Variants in ESYT2 observed in about 807,000 individuals in gnomAD.
The protein encoded by ESYT2 is extended synaptotagmin 2, also known as extended synaptotagmin-2.
A neutral mutation model predicts 107.2 loss-of-function variants in ESYT2; 54 were observed. The ratio of observed to expected loss-of-function variants is 0.50; its 90% CI spans 0.40 to 0.63. ESYT2 has a LOEUF of 0.63. Ranked by LOEUF, ESYT2 falls within the 30% of genes least tolerant of loss-of-function variation. The probability of loss-of-function intolerance (pLI) is 0.00; values close to 1 mark genes in which losing one functional copy is unlikely to be tolerated. For missense variants in ESYT2, 1,020 were observed against 1,094.5 expected, an observed-to-expected ratio of 0.93 and a Z score of 0.96; for synonymous variants, 491 against 434.1, an observed-to-expected ratio of 1.13 and a Z score of -1.63.
intron 6 of ESYT2, 30 bp downstream of exon 6, chr7:158,787,974 A>G: frequency 6.3e-7 from 1 of 1,584,810 alleles, no homozygotes; most frequent in Non-Finnish European, 8.7e-7. Flanking sequence ...ACCAAATGGG[A>G]AAATAAAAAT....
chr7:158,796,106 C>T (rs1008007316), intron 3 of ESYT2, among the ~76,000 whole-genome samples: 5 of 152,212 alleles, frequency 3.3e-5, no homozygotes, highest in Admixed American at 6.5e-5. Context: ...TATCACAACC[C>T]TGAACCGCAC....
chr7:158,803,382 C>T (rs1014820187), intron 1 of ESYT2, among the ~76,000 whole-genome samples: 1 of 152,190 alleles, frequency 6.6e-6, no homozygotes, highest in Admixed American at 6.5e-5. Flanking sequence ...GAACATGAGA[C>T]GCCTCTTCTT....
intron 21 of ESYT2, among the ~76,000 whole-genome samples, chr7:158,734,725 C>G (rs929962410): frequency 6.6e-6 from 1 of 152,246 alleles, no homozygotes; most frequent in Non-Finnish European, 1.5e-5. Context: ...GCATTTGAAG[C>G]TGCAGTGAGC....
intron 6 of ESYT2, among the ~76,000 whole-genome samples, chr7:158,783,886 A>G (rs1308522098): frequency 6.6e-6 from 1 of 152,146 alleles, no homozygotes; most frequent in East Asian, 1.9e-4. Flanking sequence ...CCCACCTTCC[A>G]CCTTAAGGGA....
chr7:158,801,605 C>T (rs1839648862), intron 1 of ESYT2, among the ~76,000 whole-genome samples: 1 of 151,024 alleles, frequency 6.6e-6, no homozygotes, highest in African/African-American at 2.4e-5. Flanking sequence ...CACACAGGAA[C>T]ACAGGAACAC....
rs1019756201 is a variant in ESYT2, at chr7:158,733,576, C to A, written c.*631G>T. The A allele has an allele frequency of 1.3e-5, 2 of 152,196 alleles. No homozygotes were observed. The highest frequency in any genetic ancestry group is 3.8e-4 in the East Asian group (2 of 5,198). The allele number at this position is 152,196 out of a possible 1,614,324, so 9.4% of individuals were successfully genotyped here. On this transcript the variant is annotated 3_prime_UTR_variant, in exon 23 of 23. Transcript: ENST00000275418. ...TTTTCCTTATAAGCCCTTCAACTTACTTCTCAATAATACATCCTTATATTT... is the reference window on the plus strand; with the variant it reads ...TTTTCCTTATAAGCCCTTCAACTTAATTCTCAATAATACATCCTTATATTT...
chr7:158,794,335 A>G (rs2129473447), intron 3 of ESYT2, among the ~76,000 whole-genome samples: 1 of 152,334 alleles, frequency 6.6e-6, no homozygotes, highest in East Asian at 1.9e-4. Context: ...CTCTACAAAA[A>G]GTAAAAAAAA....
intron 7 of ESYT2, 104 bp downstream of exon 7, chr7:158,773,237 C>G (rs911989961): frequency 1.6e-6 from 2 of 1,262,452 alleles, no homozygotes; most frequent in African/African-American, 3.0e-5. Flanking sequence ...ACCCATTCAC[C>G]TGGCAGACGC....
chr7:158,758,864 T>C (rs1299856093), intron 13 of ESYT2, among the ~76,000 whole-genome samples: 2 of 152,246 alleles, frequency 1.3e-5, no homozygotes, highest in Non-Finnish European at 2.9e-5. Flanking sequence ...TTATTACCTA[T>C]AAAACAACAT....
At chr7:158,804,404 TTGAGAAAAGTGAGGCAC>T (rs1839752682) in intron 1 of ESYT2, among the ~76,000 whole-genome samples, 4 of 88,218 alleles carry the variant, frequency 4.5e-5, no homozygotes, top group African/African-American at 1.8e-4. Context: ...ACCCAAACTG[TTGAGAAAAGTGAGGCAC>T]GTGACAAACC....
At chr7:158,749,267 C>T (rs1297083955) in intron 15 of ESYT2, among the ~76,000 whole-genome samples, 10 of 151,952 alleles carry the variant, frequency 6.6e-5, no homozygotes, top group Non-Finnish European at 1.2e-4. Flanking sequence ...GCACCGCACC[C>T]GGCACCATGC....
rs780226041 is a variant in ESYT2, at chr7:158,739,020, C to T, written c.2267+3G>A. ...AGCGGGCGCGTGGGACCCCAGCCCC[C>T]ACCTGCAGGCATGCACGACCACGAT... On this transcript the variant is annotated splice_donor_region_variant and intron_variant, in intron 19 of 22. Coordinates refer to ENST00000275418, the MANE Select transcript of ESYT2 (RefSeq NM_001367773.1). 5 of 1,613,856 alleles carry T rather than the reference C, an allele frequency of 3.1e-6. No individual in the cohort carries two copies. The highest frequency in any genetic ancestry group is 4.2e-6 in the Non-Finnish European group (5 of 1,179,844).
chr7:158,763,706 C>T (rs1838056970), intron 9 of ESYT2, among the ~76,000 whole-genome samples: 1 of 152,154 alleles, frequency 6.6e-6, no homozygotes, highest in African/African-American at 2.4e-5. Context: ...GTGCTTGTTT[C>T]TAGGGATCCT....
intron 1 of ESYT2, among the ~76,000 whole-genome samples, chr7:158,807,599 T>G (rs934796034): frequency 2.0e-5 from 3 of 152,194 alleles, no homozygotes; most frequent in African/African-American, 7.2e-5. Context: ...ATACCAAGGT[T>G]CCAGAACATC....
Position 158,788,004 on chromosome 7 carries a change from T to C in ESYT2, c.747A>G (p.Pro249=). The C allele has an allele frequency of 6.2e-7, 1 of 1,610,536 alleles. No individual in the cohort carries two copies. ...AAAAATGAAATAAATATTGACTTAC[T>C]GGTTTCCTAAGGAAGAAGATAGACA... is the stretch of plus-strand genomic sequence containing the variant. The part of the protein sequence containing the change: ...GALSIFFLRK[P]LLEINWTGLT... Residue 249 remains proline (P), a splice_region_variant and synonymous_variant, in exon 6 of 23, where the codon CCA becomes CCG. Transcript: ENST00000275418.
At chr7:158,734,360 T>A (rs3750052) in intron 22 of ESYT2, 62 bp downstream of exon 22, 1 of 1,611,070 alleles carries the variant, frequency 6.2e-7, no homozygotes. Flanking sequence ...CACTACCCAC[T>A]GGGCGGGGAA....
At chr7:158,800,806 A>G (rs1211617227) in intron 1 of ESYT2, among the ~76,000 whole-genome samples, 5 of 146,990 alleles carry the variant, frequency 3.4e-5, no homozygotes, top group Non-Finnish European at 7.4e-5. Flanking sequence ...TCGACTCGCC[A>G]CAACCTCCAC....
At chr7:158,764,501 G>A (rs994045239) in intron 9 of ESYT2, among the ~76,000 whole-genome samples, 176 bp downstream of exon 9, 1 of 152,200 alleles carries the variant, frequency 6.6e-6, no homozygotes, top group Non-Finnish European at 1.5e-5. Flanking sequence ...CAAGAATGTT[G>A]TGTAGTAAGG....
chr7:158,804,592 G>C (rs1443029891), intron 1 of ESYT2, among the ~76,000 whole-genome samples: 1 of 151,064 alleles, frequency 6.6e-6, no homozygotes, highest in Admixed American at 6.6e-5. Context: ...AGAAAGGTGA[G>C]GTGTGTGACA....
Sources: allele counts gnomAD v4.1 joint callset (sites outside exome capture counted in the v4.1 genomes callset), GRCh38; gene constraint gnomAD v4.1.1; transcripts MANE v1.5; gene names NCBI Gene and HGNC (gene_info 2026-07-23, HGNC 2026-07-21).